Variants in CSNK2A2IP observed in about 807,000 individuals in gnomAD.
CSNK2A2IP encodes the protein casein kinase II subunit alpha'-interacting protein.
chr3:88,358,269 A>G, the CSNK2A2IP span, among the ~76,000 whole-genome samples: 1 of 125,686 alleles, frequency 8.0e-6, no homozygotes, highest in Admixed American at 7.6e-5. Context: ...ATATAAAATC[A>G]TATCATCTGC....
the CSNK2A2IP span, among the ~76,000 whole-genome samples, chr3:88,411,076 T>C: frequency 6.6e-5 from 10 of 151,998 alleles, no homozygotes; most frequent in African/African-American, 2.4e-4. Context: ...TACAGTTGAA[T>C]TTTATATTAG....
chr3:88,407,730 AT>A, the CSNK2A2IP span, among the ~76,000 whole-genome samples: 1 of 150,792 alleles, frequency 6.6e-6, no homozygotes, highest in East Asian at 1.9e-4. Flanking sequence ...TTATTTATTT[AT>A]TTATTTATTT....
the CSNK2A2IP span, among the ~76,000 whole-genome samples, chr3:88,457,378 A>G: frequency 2.6e-5 from 4 of 151,892 alleles, no homozygotes; most frequent in African/African-American, 7.3e-5. Context: ...CTATATTTAT[A>G]AGAAATATTG....
chr3:88,350,739 G>A, the CSNK2A2IP span, among the ~76,000 whole-genome samples: 2 of 151,984 alleles, frequency 1.3e-5, no homozygotes, highest in Admixed American at 1.3e-4. Context: ...AAACCATAAA[G>A]GGCACTGAGT....
At chr3:88,368,106 T>C in the CSNK2A2IP span, among the ~76,000 whole-genome samples, 1 of 152,016 alleles carries the variant, frequency 6.6e-6, no homozygotes, top group African/African-American at 2.4e-5. Flanking sequence ...TAATGTAAGT[T>C]TGAAGGAATT....
At chr3:88,396,150 G>T in the CSNK2A2IP span, among the ~76,000 whole-genome samples, 1 of 147,440 alleles carries the variant, frequency 6.8e-6, no homozygotes, top group Admixed American at 6.9e-5. Flanking sequence ...TGTCGCCCAG[G>T]CTGGAGTGCA....
chr3:88,434,437 T>G, the CSNK2A2IP span, among the ~76,000 whole-genome samples: 1 of 152,130 alleles, frequency 6.6e-6, no homozygotes, highest in African/African-American at 2.4e-5. Context: ...TGTCCACCAG[T>G]CTGCCAAAAT....
At chr3:88,461,568 T>A in the CSNK2A2IP span, among the ~76,000 whole-genome samples, 1 of 151,984 alleles carries the variant, frequency 6.6e-6, no homozygotes, top group Non-Finnish European at 1.5e-5. Flanking sequence ...TAAAATAAAA[T>A]AAAAATACTA....
At chr3:88,351,078 GA>G in the CSNK2A2IP span, among the ~76,000 whole-genome samples, 1 of 152,136 alleles carries the variant, frequency 6.6e-6, no homozygotes, top group Non-Finnish European at 1.5e-5. Context: ...TGATGAATTA[GA>G]AACGAGGCAA....
At chr3:88,448,749 T>G in the CSNK2A2IP span, among the ~76,000 whole-genome samples, 1 of 152,336 alleles carries the variant, frequency 6.6e-6, no homozygotes, top group East Asian at 1.9e-4. Context: ...TCTGTAAATT[T>G]AGAGTCATTG....
the CSNK2A2IP span, among the ~76,000 whole-genome samples, chr3:88,441,429 G>C: frequency 1.3e-5 from 2 of 152,118 alleles, no homozygotes; most frequent in African/African-American, 2.4e-5. Flanking sequence ...CTGATTTTGA[G>C]GTTATGCCTT....
chr3:88,392,130 A>G, the CSNK2A2IP span, among the ~76,000 whole-genome samples: 19 of 152,316 alleles, frequency 1.2e-4, no homozygotes, highest in African/African-American at 3.8e-4. Context: ...TTCTGGATGG[A>G]TCACCAGAGG....
the CSNK2A2IP span, among the ~76,000 whole-genome samples, chr3:88,344,644 T>C: frequency 1.3e-5 from 2 of 151,982 alleles, no homozygotes; most frequent in South Asian, 2.1e-4. Flanking sequence ...CTGACAGTCA[T>C]TTAAATTTGC....
At chr3:88,462,535 A>G in the CSNK2A2IP span, among the ~76,000 whole-genome samples, 110,128 of 152,006 alleles carry the variant, frequency 0.72, 41,068 homozygotes, top group East Asian at 0.92. Context: ...ATGTTGGAAA[A>G]ATATACAGAA....
the CSNK2A2IP span, among the ~76,000 whole-genome samples, chr3:88,378,874 CTTTG>C: frequency 1.3e-5 from 2 of 151,968 alleles, no homozygotes; most frequent in South Asian, 2.1e-4. Flanking sequence ...CATCTGTTAA[CTTTG>C]TTTGATTGTG....
chr3:88,381,460 G>A, the CSNK2A2IP span, among the ~76,000 whole-genome samples: 2 of 152,154 alleles, frequency 1.3e-5, no homozygotes, highest in African/African-American at 4.8e-5. Context: ...TGAATATAAG[G>A]TACTAACTAT....
the CSNK2A2IP span, chr3:88,466,931 T>A: frequency 8.1e-7 from 1 of 1,231,408 alleles, no homozygotes; most frequent in Non-Finnish European, 1.0e-6. Context: ...ATCCTTTCTC[T>A]ACCAGAGACT....
At chr3:88,451,545 T>C in the CSNK2A2IP span, among the ~76,000 whole-genome samples, 1 of 152,026 alleles carries the variant, frequency 6.6e-6, no homozygotes, top group Non-Finnish European at 1.5e-5. Flanking sequence ...GAAATAATTA[T>C]AATTTGATTC....
At chr3:88,400,323 T>C in the CSNK2A2IP span, among the ~76,000 whole-genome samples, 1 of 152,110 alleles carries the variant, frequency 6.6e-6, no homozygotes, top group Non-Finnish European at 1.5e-5. Context: ...CCTTTTTAGT[T>C]TGAGCCACCC....
Sources: allele counts gnomAD v4.1 joint callset (sites outside exome capture counted in the v4.1 genomes callset), GRCh38; gene constraint gnomAD v4.1.1; transcripts MANE v1.5; gene names NCBI Gene and HGNC (gene_info 2026-07-23, HGNC 2026-07-21).